VAMP4: variants seen among roughly 807,000 people sequenced by gnomAD.
VAMP4 encodes the protein vesicle-associated membrane protein 4.
Under a neutral mutation model 23.5 loss-of-function variants are expected in VAMP4, and 19 were observed. The ratio of observed to expected loss-of-function variants is 0.81; its 90% CI spans 0.56 to 1.19. The LOEUF (loss-of-function observed/expected upper bound fraction) is 1.19, where lower values mean the gene tolerates loss of function less well. Ranked by LOEUF, VAMP4 falls within the 50% of genes most tolerant of loss-of-function variation. The pLI is 0.00. For missense variants in VAMP4, 145 were observed against 168.6 expected, an observed-to-expected ratio of 0.86 and a Z score of 0.78; for synonymous variants, 31 against 51.0, an observed-to-expected ratio of 0.61 and a Z score of 1.67.
rs1388119593 is a variant in VAMP4 at position 171,703,710 on chromosome 1, G to C, written c.*796C>G. On this transcript the variant is annotated 3_prime_UTR_variant, in exon 8 of 8. Coordinates refer to ENST00000236192, the MANE Select transcript of VAMP4 (RefSeq NM_003762.5). ...CTGTAAATTTCATTTACTCACATTAGGACTGACTGGTCTCTCTTTATTGGA... is the reference window on the plus strand; with the variant it reads ...CTGTAAATTTCATTTACTCACATTACGACTGACTGGTCTCTCTTTATTGGA... 6.6e-6 allele frequency: 1 copy of C among 151,916 alleles called. No individual in the cohort carries two copies. The highest frequency in any genetic ancestry group is 1.5e-5 in the Non-Finnish European group (1 of 67,740). 9.4% of individuals were successfully genotyped at this position (151,916 alleles called of 1,614,324 possible). A position where few individuals can be genotyped will look rare whatever the true frequency, so the allele number is the denominator to read the frequency against.
chr1:171,720,894 C>T (rs1370541133), intron 3 of VAMP4, among the ~76,000 whole-genome samples: 1 of 151,954 alleles, frequency 6.6e-6, no homozygotes, highest in Non-Finnish European at 1.5e-5. Flanking sequence ...CTCTAATGAA[C>T]ATAGATGCAA....
At chr1:171,707,497 T>C (rs1654697632) in intron 6 of VAMP4, among the ~76,000 whole-genome samples, 1 of 152,114 alleles carries the variant, frequency 6.6e-6, no homozygotes, top group Non-Finnish European at 1.5e-5. Context: ...TGCCCTTATA[T>C]CCTTTTTCTT....
At chr1:171,720,369 A>G (rs1370160062) in intron 3 of VAMP4, among the ~76,000 whole-genome samples, 1 of 152,172 alleles carries the variant, frequency 6.6e-6, no homozygotes, top group African/African-American at 2.4e-5. Context: ...GGTTAAAAAA[A>G]AAGCAGGAGC....
In VAMP4 at chr1:171,702,686, T is replaced by G. The variant is rs1423546710; in HGVS notation, c.*1820A>C. 3 of 152,012 alleles carry G rather than the reference T, an allele frequency of 2.0e-5. No homozygotes were observed. The highest frequency in any genetic ancestry group is 7.2e-5 in the African/African-American group (3 of 41,444). 9.4% of individuals were successfully genotyped at this position (152,012 alleles called of 1,614,324 possible). A position where few individuals can be genotyped will look rare whatever the true frequency, so the allele number is the denominator to read the frequency against. ...ATATTTCCATTCCTGAATTATTAGC[T>G]ACTGAAATTCTAAAAATGCTCATTT... On this transcript the variant is annotated 3_prime_UTR_variant, in exon 8 of 8. Transcript: ENST00000236192.
In VAMP4 at chr1:171,738,455, A is replaced by G. The variant is rs371602288; in HGVS notation, c.-41T>C. On this transcript the variant is annotated 5_prime_UTR_variant, in exon 2 of 8. Transcript: ENST00000236192. ...AGTATCTTTTGCTTCTCAACAGGAT[A>G]GTCACCACCTTAAAGAGAAAATAAA... The G allele has an allele frequency of 1.3e-6, 2 of 1,579,974 alleles. No homozygotes were observed. Among genetic ancestry groups the G allele is most frequent in the Non-Finnish European group, 1.7e-6 (2 of 1,150,704 alleles).
chr1:171,722,105 T>C (rs1473229066), intron 3 of VAMP4, among the ~76,000 whole-genome samples: 1 of 151,904 alleles, frequency 6.6e-6, no homozygotes, highest in Non-Finnish European at 1.5e-5. Context: ...ATACCAGACA[T>C]CTACAACCAT....
intron 4 of VAMP4, among the ~76,000 whole-genome samples, 179 bp downstream of exon 4, chr1:171,718,992 G>T (rs935815763): frequency 6.6e-6 from 1 of 152,126 alleles, no homozygotes; most frequent in Admixed American, 6.6e-5. Flanking sequence ...ACTCAACTTT[G>T]CCATTGTAGC....
At chr1:171,708,918 A>C (rs1654758788) in intron 6 of VAMP4, among the ~76,000 whole-genome samples, 1 of 151,506 alleles carries the variant, frequency 6.6e-6, no homozygotes, top group African/African-American at 2.4e-5. Context: ...CTAAACTTGA[A>C]ATTGAAAATG....
chr1:171,736,319 C>G (rs1240998650), intron 2 of VAMP4, among the ~76,000 whole-genome samples: 1 of 152,150 alleles, frequency 6.6e-6, no homozygotes, highest in Non-Finnish European at 1.5e-5. Context: ...TGGATTATCC[C>G]TGAGTGATTT....
At chr1:171,739,504 T>C (rs990789968) in intron 1 of VAMP4, among the ~76,000 whole-genome samples, 3 of 152,152 alleles carry the variant, frequency 2.0e-5, no homozygotes, top group African/African-American at 7.2e-5. Flanking sequence ...GCAAATAAAC[T>C]GAACACAAGG....
At chr1:171,737,655 T>C (rs1229245887) in intron 2 of VAMP4, among the ~76,000 whole-genome samples, 1 of 152,208 alleles carries the variant, frequency 6.6e-6, no homozygotes, top group Non-Finnish European at 1.5e-5. Context: ...TAACTAAATA[T>C]AGACTTCACT....
At position 171,701,086 on chromosome 1, in the gene VAMP4, G is replaced by C. The variant is rs1654417824; in HGVS notation, c.*3420C>G. Reference sequence around the variant, plus strand: ...ATGCATTTTTAGACAAAAGCATTTAGACAAATTTCATTTGTCTACAACATG... The same window carrying C: ...ATGCATTTTTAGACAAAAGCATTTACACAAATTTCATTTGTCTACAACATG... On this transcript the variant is annotated 3_prime_UTR_variant, in exon 8 of 8. Transcript: ENST00000236192. The C allele has an allele frequency of 6.6e-6, 1 of 152,054 alleles. No individual in the cohort carries two copies. The highest frequency in any genetic ancestry group is 6.6e-5 in the Admixed American group (1 of 15,262). The allele number at this position is 152,054 out of a possible 1,614,324, so 9.4% of individuals were successfully genotyped here. A position where few individuals can be genotyped will look rare whatever the true frequency, so the allele number is the denominator to read the frequency against.
Position 171,702,803 on chromosome 1 carries a change from T to C in VAMP4, c.*1703A>G, listed in dbSNP as rs1429999676. The C allele has an allele frequency of 6.6e-6, 1 of 152,008 alleles. No individual in the cohort carries two copies. The highest frequency in any genetic ancestry group is 1.5e-5 in the Non-Finnish European group (1 of 67,872). The allele number at this position is 152,008 out of a possible 1,614,324, so 9.4% of individuals were successfully genotyped here. Reference sequence around the variant, plus strand: ...CAAAGAGCATAGAGACCAAAGACAATATACACTATAGTATGTAAGACCTTT... The same window carrying C: ...CAAAGAGCATAGAGACCAAAGACAACATACACTATAGTATGTAAGACCTTT... On this transcript the variant is annotated 3_prime_UTR_variant, in exon 8 of 8. Coordinates refer to ENST00000236192, the MANE Select transcript of VAMP4 (RefSeq NM_003762.5).
rs181044867 is a variant in VAMP4, at chr1:171,741,077, G to C, written c.-50+833C>G. Among the ~76,000 whole-genome samples, 196 of 152,324 alleles carry C rather than the reference G, an allele frequency of 1.3e-3. 7 individuals are homozygous for C. In the East Asian group the frequency reaches 0.036, roughly 28 times the overall value. On this transcript the variant is annotated intron_variant, in intron 1 of 7. Transcript: ENST00000236192. The stretch of plus-strand genomic sequence containing the variant: ...ATGTGAATTCAGCTGTTTGTGACTA[G>C]GTATACATGTAAATAAGAGAGCCAT...
intron 6 of VAMP4, among the ~76,000 whole-genome samples, chr1:171,709,072 GAAGT>G (rs1654763895): frequency 6.6e-6 from 1 of 151,864 alleles, no homozygotes; most frequent in South Asian, 2.1e-4. Flanking sequence ...GTGGATTTAA[GAAGT>G]AAATGTATTT....
chr1:171,720,375 G>A (rs1655152456), intron 3 of VAMP4, among the ~76,000 whole-genome samples: 1 of 151,824 alleles, frequency 6.6e-6, no homozygotes, highest in Non-Finnish European at 1.5e-5. Context: ...AAAAAAAGCA[G>A]GAGCTATGTC....
intron 2 of VAMP4, among the ~76,000 whole-genome samples, chr1:171,734,541 A>G (rs1558115401): frequency 6.6e-6 from 1 of 152,120 alleles, no homozygotes; most frequent in African/African-American, 2.4e-5. Context: ...TTGTTGCACA[A>G]CTCTGTGAAT....
chr1:171,738,711 T>C (rs752192882), intron 1 of VAMP4, among the ~76,000 whole-genome samples: 1 of 152,178 alleles, frequency 6.6e-6, no homozygotes, highest in Non-Finnish European at 1.5e-5. Context: ...ATATGAGTGA[T>C]TTAAGATTTT....
intron 3 of VAMP4, among the ~76,000 whole-genome samples, chr1:171,723,023 G>T (rs1428576723): frequency 1.3e-5 from 2 of 152,132 alleles, no homozygotes; most frequent in African/African-American, 2.4e-5. Flanking sequence ...ACAAAAGAGA[G>T]AAATTTTAAA....
Sources: gnomAD v4.1 joint callset for allele counts (sites outside exome capture counted in the v4.1 genomes callset) on GRCh38, gnomAD v4.1.1 for gene constraint, MANE v1.5 for transcripts, NCBI Gene and HGNC (gene_info 2026-07-23, HGNC 2026-07-21) for gene names.